The following TMEM201 variants were observed in gnomAD, a reference collection of about 807,000 sequenced individuals.
The protein encoded by TMEM201 is transmembrane protein 201.
TMEM201 carries 26 observed loss-of-function variants against 63.4 expected under a neutral mutation model. That is an observed-to-expected ratio of 0.41 (90% confidence interval 0.30 to 0.57). The LOEUF is 0.57. Among genes scored for constraint, TMEM201 ranks in the 20% least tolerant of loss-of-function variants. The pLI, the probability that TMEM201 is intolerant of heterozygous loss-of-function variation, is 0.29. For synonymous variants in TMEM201, 417 were observed against 421.6 expected (o/e 0.99, Z 0.14); for missense variants, 794 against 917.7 (o/e 0.87, Z 1.74).
chr1:9,602,998 C>T lies in TMEM201; in HGVS notation c.1160+726C>T, dbSNP rs115812459. The T allele has an allele frequency of 1.2e-3, 1,152 of 985,564 alleles. 13 individuals are homozygous for T. The African/African-American group carries it at 0.019, about 16-fold the overall frequency. The allele number at this position is 985,564 out of a possible 1,614,324, so 61.1% of individuals were successfully genotyped here. A position where few individuals can be genotyped will look rare whatever the true frequency, so the allele number is the denominator to read the frequency against. On this transcript the variant is annotated intron_variant, in intron 6 of 10. Transcript: ENST00000340381. ...TGGCCTTCGCCATGAGTTTGGGGAG[C>T]GAGACCCCACCTGAGACAGGCAGTA...
intron 9 of TMEM201, among the ~76,000 whole-genome samples, chr1:9,611,489 C>T (rs1351585790): frequency 2.0e-5 from 3 of 152,234 alleles, no homozygotes; most frequent in East Asian, 1.9e-4. Context: ...TGGGCCACTG[C>T]GCCCGGCCTC....
chr1:9,602,805 G>C, intron 6 of TMEM201: 2 of 989,698 alleles, frequency 2.0e-6, no homozygotes, highest in Non-Finnish European at 2.4e-6. Context: ...CACCCCTGAG[G>C]AGCACCTGTG....
chr1:9,613,283 A>C lies in TMEM201; in HGVS notation c.*200A>C, dbSNP rs1569970008. ...GGGCTGAGCATGTGTCTGAGGTCAC[A>C]CTCTCTGCCCACTCACCTCCTTGGC... On this transcript the variant is annotated 3_prime_UTR_variant, in exon 11 of 11. Transcript: ENST00000340381. The C allele has an allele frequency of 1.7e-6, 1 of 589,064 alleles. No individual in the cohort carries two copies. Among genetic ancestry groups the C allele is most frequent in the African/African-American group, 1.9e-5 (1 of 53,624 alleles). The allele number at this position is 589,064 out of a possible 1,614,324, so 36.5% of individuals were successfully genotyped here.
intron 1 of TMEM201, 58 bp from the exon 2 acceptor site, chr1:9,595,832 C>G: frequency 6.2e-7 from 1 of 1,605,886 alleles, no homozygotes; most frequent in Non-Finnish European, 8.5e-7. Context: ...GCATGGAGGT[C>G]CCTCTCCAGC....
intron 10 of TMEM201, 59 bp from the exon 11 acceptor site, chr1:9,612,927 C>T (rs1440819283): frequency 4.8e-6 from 7 of 1,458,720 alleles, no homozygotes; most frequent in Non-Finnish European, 5.6e-6. Flanking sequence ...GGGGGCTGCT[C>T]AGCTGCACAG....
At chr1:9,594,806 C>T (rs562834930) in intron 1 of TMEM201, among the ~76,000 whole-genome samples, 1 of 152,368 alleles carries the variant, frequency 6.6e-6, no homozygotes, top group African/African-American at 2.4e-5. Context: ...GCTGTGGTTG[C>T]CCCCACTTCA....
At chr1:9,595,561 C>T (rs909815582) in intron 1 of TMEM201, among the ~76,000 whole-genome samples, 1 of 152,068 alleles carries the variant, frequency 6.6e-6, no homozygotes, top group South Asian at 2.1e-4. Flanking sequence ...GAGCAGGTGG[C>T]CCTGGGTCCC....
At chr1:9,593,585 A>G (rs1557547889) in intron 1 of TMEM201, among the ~76,000 whole-genome samples, 2 of 152,066 alleles carry the variant, frequency 1.3e-5, no homozygotes, top group Non-Finnish European at 2.9e-5. Flanking sequence ...AGATCAGTGG[A>G]GCCATTTCCC....
chr1:9,593,076 G>C (rs539908947), intron 1 of TMEM201, among the ~76,000 whole-genome samples: 88 of 152,364 alleles, frequency 5.8e-4, no homozygotes, highest in African/African-American at 1.9e-3. Context: ...AGTGGGCTGA[G>C]GGGTTTATCA....
In TMEM201 at chr1:9,608,934, G is replaced by A. The variant is rs1399903930; in HGVS notation, c.1394-906G>A. Among the ~76,000 whole-genome samples the A allele has an allele frequency of 6.6e-6, 1 of 152,108 alleles. No homozygotes were observed. Among genetic ancestry groups the A allele is most frequent in the African/African-American group, 2.4e-5 (1 of 41,410 alleles). On this transcript the variant is annotated intron_variant, in intron 7 of 10. Transcript: ENST00000340381. The surrounding 1 kb of genome is among the most constrained non-coding windows in gnomAD (Gnocchi z 4.3). ...CGGGGGGAGGAGCCCGGTCTCCATCGCCAGAGGGTGGGTCGGGGGCAGGAG... is the reference window on the plus strand; with the variant it reads ...CGGGGGGAGGAGCCCGGTCTCCATCACCAGAGGGTGGGTCGGGGGCAGGAG...
intron 6 of TMEM201, among the ~76,000 whole-genome samples, chr1:9,606,808 C>T: frequency 6.6e-6 from 1 of 152,232 alleles, no homozygotes; most frequent in East Asian, 1.9e-4. Context: ...GTTAAAGAGA[C>T]ACTGTCACCT....
Position 9,598,493 on chromosome 1 carries a change from G to A in TMEM201, c.474G>A (p.Glu158=). 6.2e-7 allele frequency: 1 copy of A among 1,614,008 alleles called. No homozygotes were observed. The highest frequency in any genetic ancestry group is 8.5e-7 in the Non-Finnish European group (1 of 1,180,022). Residue 158 remains glutamate, a synonymous_variant, in exon 4 of 11, where the codon GAG becomes GAA. Transcript: ENST00000340381. ...EEVEVYRHHL[E]QMYKLCRPCQ... is the part of the protein sequence containing the mutation. ...TCGAGGTGTACCGGCATCACCTGGAGCAGATGTACAAGCTGTGCCGGCCGT... is the reference window on the plus strand; with the variant it reads ...TCGAGGTGTACCGGCATCACCTGGAACAGATGTACAAGCTGTGCCGGCCGT...
intron 4 of TMEM201, among the ~76,000 whole-genome samples, chr1:9,599,846 C>T (rs1644103263): frequency 6.6e-6 from 1 of 152,196 alleles, no homozygotes; most frequent in African/African-American, 2.4e-5. Flanking sequence ...GATCCGCCCG[C>T]CTCAGCCTCC....
chr1:9,589,976 G>C (rs1430461932), intron 1 of TMEM201, among the ~76,000 whole-genome samples: 2 of 152,212 alleles, frequency 1.3e-5, no homozygotes, highest in African/African-American at 4.8e-5. Flanking sequence ...TCGTCTGGCT[G>C]GTCTGTTTGT....
chr1:9,598,678 A>C, intron 4 of TMEM201, 53 bp downstream of exon 4: 1 of 1,570,900 alleles, frequency 6.4e-7, no homozygotes, highest in Non-Finnish European at 8.7e-7. Context: ...TTGTTCAGGA[A>C]ACCCTCCCAG....
At chr1:9,590,854 G>A (rs1387113673) in intron 1 of TMEM201, among the ~76,000 whole-genome samples, 3 of 152,232 alleles carry the variant, frequency 2.0e-5, no homozygotes, top group Admixed American at 6.5e-5. Flanking sequence ...GCCTTCCTCC[G>A]AGGAGGAGAG....
intron 4 of TMEM201, among the ~76,000 whole-genome samples, chr1:9,599,886 C>A (rs562040444): frequency 1.8e-4 from 27 of 152,364 alleles, no homozygotes; most frequent in African/African-American, 6.5e-4. Context: ...GCGTGAGCCA[C>A]TGCGCCCGGC....
Position 9,610,631 on chromosome 1 carries a change from G to C in TMEM201, c.1591G>C (p.Ala531Pro). 6.4e-7 allele frequency: 1 copy of C among 1,550,618 alleles called. No individual in the cohort carries two copies. Among genetic ancestry groups the C allele is most frequent in the Non-Finnish European group, 8.7e-7 (1 of 1,146,904 alleles). Residue 531 changes from alanine (A) to proline (P), a missense_variant, in exon 9 of 11, where the codon GCC (alanine) becomes CCC (proline). Transcript: ENST00000340381. The surrounding 1 kb of genome is among the most constrained non-coding windows in gnomAD (Gnocchi z 4.9). ...CCACCGCAGGCCCCTCATCAGCCCT[G>C]CCCGGCTCAACCTGAAGGGACAGAA... Reference protein sequence around the residue: ...LRHRRPLISPARLNLKGQKLL... With the variant: ...LRHRRPLISPPRLNLKGQKLL...
chr1:9,599,335 C>T (rs989925530), intron 4 of TMEM201, among the ~76,000 whole-genome samples: 11 of 151,658 alleles, frequency 7.3e-5, no homozygotes, highest in Admixed American at 7.2e-4. Flanking sequence ...GCAATCTCTT[C>T]CTCCCGGGTT....
Sources: allele counts gnomAD v4.1 joint callset (sites outside exome capture counted in the v4.1 genomes callset), GRCh38; gene constraint gnomAD v4.1.1; non-coding constraint Gnocchi (gnomAD v3.1); transcripts MANE v1.5; gene names NCBI Gene and HGNC (gene_info 2026-07-23, HGNC 2026-07-21).